The following ZNF391 variants were observed in gnomAD, a reference collection of about 807,000 sequenced individuals.
ZNF391 encodes the protein zinc finger protein 391.
For synonymous variants in ZNF391, 126 were observed against 142.1 expected, an observed-to-expected ratio of 0.89 and a Z score of 0.80; for missense variants, 375 against 425.5, an observed-to-expected ratio of 0.88 and a Z score of 1.04.
chr6:27,378,324 TG>T (rs1023953171), intron 1 of ZNF391, among the ~76,000 whole-genome samples: 10 of 152,082 alleles, frequency 6.6e-5, no homozygotes, highest in Non-Finnish European at 1.3e-4. Flanking sequence ...TTAAATCACC[TG>T]GGTGCAGGTG....
Position 27,402,050 on chromosome 6 carries a change from C to T in ZNF391, c.*603C>T, listed in dbSNP as rs1253778898. 4.6e-5 allele frequency: 7 copies of T among 152,172 alleles called. No homozygotes were observed. Among genetic ancestry groups the T allele is most frequent in the Admixed American group, 3.9e-4 (6 of 15,272 alleles). The allele number at this position is 152,172 out of a possible 1,614,324, so 9.4% of individuals were successfully genotyped here. ...GCAAAAACAGATTTTTCTCATCTTC[C>T]TCCTTCTCTCACCTTTTTTGCAGTA... On this transcript the variant is annotated 3_prime_UTR_variant, in exon 3 of 3. Coordinates refer to ENST00000244576, the MANE Select transcript of ZNF391 (RefSeq NM_001076781.3).
chr6:27,398,249 A>C (rs1761872212), intron 1 of ZNF391, among the ~76,000 whole-genome samples: 1 of 152,226 alleles, frequency 6.6e-6, no homozygotes, highest in East Asian at 1.9e-4. Flanking sequence ...TATACAGTTC[A>C]TTGCCTCCTT....
chr6:27,385,428 T>C (rs902614449), upstream of ZNF391, among the ~76,000 whole-genome samples: 2 of 152,074 alleles, frequency 1.3e-5, no homozygotes, highest in Admixed American at 6.5e-5. Context: ...TACATATAGA[T>C]TAAAAGTAAA....
intron 1 of ZNF391, among the ~76,000 whole-genome samples, chr6:27,397,695 TCTCGGCTC>T (rs1761858657): frequency 6.6e-6 from 1 of 152,148 alleles, no homozygotes. Flanking sequence ...AGCGGTGCGA[TCTCGGCTC>T]ACTGCAACCT....
At chr6:27,379,616 C>G (rs961958274) in intron 1 of ZNF391, among the ~76,000 whole-genome samples, 5 of 151,816 alleles carry the variant, frequency 3.3e-5, no homozygotes, top group East Asian at 3.9e-4. Context: ...CCAGGGGACC[C>G]CCCCCCATAC....
intron 1 of ZNF391, among the ~76,000 whole-genome samples, chr6:27,383,035 G>A (rs887863520): frequency 3.9e-5 from 6 of 151,944 alleles, no homozygotes; most frequent in South Asian, 2.1e-4. Context: ...CAGGAGAAGC[G>A]CTTGAACACA....
At chr6:27,393,370 C>G (rs544110473) in intron 1 of ZNF391, among the ~76,000 whole-genome samples, 6 of 152,306 alleles carry the variant, frequency 3.9e-5, no homozygotes, top group Non-Finnish European at 7.3e-5. Context: ...CCTGCTTTTG[C>G]CATGTGATGT....
intron 1 of ZNF391, among the ~76,000 whole-genome samples, chr6:27,379,147 C>A (rs1369241322): frequency 6.6e-6 from 1 of 152,184 alleles, no homozygotes; most frequent in African/African-American, 2.4e-5. Context: ...ATTAACCCAA[C>A]AATAGATGAA....
rs990456681 is a variant in ZNF391 at position 27,403,730 on chromosome 6, A to G, written c.*2283A>G. ...CCCATTTTGTTTTTCCTTGAATTACATATATAACTGACTATTTAGACTGAC... is the reference window on the plus strand; with the variant it reads ...CCCATTTTGTTTTTCCTTGAATTACGTATATAACTGACTATTTAGACTGAC... On this transcript the variant is annotated 3_prime_UTR_variant, in exon 3 of 3. Transcript: ENST00000244576. 1 of 152,212 alleles carries G rather than the reference A, an allele frequency of 6.6e-6. No homozygotes were observed. Among genetic ancestry groups the G allele is most frequent in the Non-Finnish European group, 1.5e-5 (1 of 68,036 alleles). 9.4% of individuals were successfully genotyped at this position (152,212 alleles called of 1,614,324 possible). A position where few individuals can be genotyped will look rare whatever the true frequency, so the allele number is the denominator to read the frequency against.
intron 1 of ZNF391, among the ~76,000 whole-genome samples, chr6:27,390,120 G>A (rs1034290984): frequency 3.3e-5 from 5 of 152,170 alleles, no homozygotes; most frequent in Admixed American, 3.3e-4. Flanking sequence ...TCAACCTAGT[G>A]CCACAAAACA....
chr6:27,392,405 G>C (rs1467128081), intron 1 of ZNF391, among the ~76,000 whole-genome samples: 1 of 152,140 alleles, frequency 6.6e-6, no homozygotes, highest in African/African-American at 2.4e-5. Context: ...ACAGGTGTGT[G>C]CCACCATGAC....
chr6:27,385,247 A>G (rs1761569675), upstream of ZNF391, among the ~76,000 whole-genome samples: 1 of 152,140 alleles, frequency 6.6e-6, no homozygotes, highest in African/African-American at 2.4e-5. Flanking sequence ...GTAGACAAAA[A>G]TAAGAACAAG....
chr6:27,401,527 A>G lies in ZNF391; in HGVS notation c.*80A>G. ...ACTGAAATATATATATTTCAAGTAT[A>G]TATATACTTGTTCTAATTTTCTTTT... On this transcript the variant is annotated 3_prime_UTR_variant, in exon 3 of 3. Coordinates refer to ENST00000244576, the MANE Select transcript of ZNF391 (RefSeq NM_001076781.3). The G allele has an allele frequency of 9.3e-7, 1 of 1,076,880 alleles. No homozygotes were observed. The highest frequency in any genetic ancestry group is 1.3e-6 in the Non-Finnish European group (1 of 768,528). The allele number at this position is 1,076,880 out of a possible 1,614,324, so 66.7% of individuals were successfully genotyped here. A position where few individuals can be genotyped will look rare whatever the true frequency, so the allele number is the denominator to read the frequency against.
chr6:27,389,134 G>T, intron 1 of ZNF391, 59 bp downstream of exon 1: 1 of 456,688 alleles, frequency 2.2e-6, no homozygotes, highest in Non-Finnish European at 4.4e-6. Flanking sequence ...GGAAACGGGC[G>T]AAAGGGTCGC....
intron 1 of ZNF391, among the ~76,000 whole-genome samples, chr6:27,392,837 A>T (rs1761743925): frequency 6.6e-6 from 1 of 152,264 alleles, no homozygotes; most frequent in Non-Finnish European, 1.5e-5. Flanking sequence ...GCCTTGTGCC[A>T]AATTACTTAA....
chr6:27,400,395 G>T lies in ZNF391; in HGVS notation c.25G>T (p.Ala9Ser). 1 of 1,612,178 alleles carries T rather than the reference G, an allele frequency of 6.2e-7. No individual in the cohort carries two copies. Among genetic ancestry groups the T allele is most frequent in the Non-Finnish European group, 8.5e-7 (1 of 1,179,348 alleles). The change falls in exon 3 of 3, where the codon GCT (alanine) becomes TCT (serine). Residue 9 changes from alanine to serine, a missense_variant. Physicochemically the swap from Ala to Ser is moderately conservative, Grantham distance 99. Transcript: ENST00000244576. MESLRGNT[A>S]QGPTNEEDYK... Reference sequence around the variant, plus strand: ...AATGGAAAGCCTCAGAGGGAATACTGCTCAGGGTCCTACAAATGAAGAAGA... The same window carrying T: ...AATGGAAAGCCTCAGAGGGAATACTTCTCAGGGTCCTACAAATGAAGAAGA...
intron 1 of ZNF391, among the ~76,000 whole-genome samples, chr6:27,378,661 C>T (rs1476907470): frequency 6.6e-6 from 1 of 152,162 alleles, no homozygotes; most frequent in Non-Finnish European, 1.5e-5. Context: ...TGCATGTATA[C>T]GTGCAGGTCA....
At chr6:27,396,807 C>T (rs1387921655) in intron 1 of ZNF391, among the ~76,000 whole-genome samples, 1 of 152,148 alleles carries the variant, frequency 6.6e-6, no homozygotes, top group Non-Finnish European at 1.5e-5. Flanking sequence ...TGTATGTATG[C>T]ATAAAGTGTT....
rs2113667713 is a variant in ZNF391, at chr6:27,402,514, T to G, written c.*1067T>G. The stretch of plus-strand genomic sequence containing the variant: ...TCAGCTCTGTGATTTGGGGCAAGGG[T>G]TAGGCCAGAATTATCTCATTTTATC... On this transcript the variant is annotated 3_prime_UTR_variant, in exon 3 of 3. Transcript: ENST00000244576. 1 of 152,298 alleles carries G rather than the reference T, an allele frequency of 6.6e-6. No homozygotes were observed. Among genetic ancestry groups the G allele is most frequent in the African/African-American group, 2.4e-5 (1 of 41,572 alleles). 9.4% of individuals were successfully genotyped at this position (152,298 alleles called of 1,614,324 possible). A position where few individuals can be genotyped will look rare whatever the true frequency, so the allele number is the denominator to read the frequency against.
Sources: gnomAD v4.1 joint callset for allele counts (sites outside exome capture counted in the v4.1 genomes callset) on GRCh38, gnomAD v4.1.1 for gene constraint, MANE v1.5 for transcripts, NCBI Gene and HGNC (gene_info 2026-07-23, HGNC 2026-07-21) for gene names.